TEKT1: variants seen among roughly 807,000 people sequenced by gnomAD.
TEKT1 encodes the protein tektin 1.
TEKT1 carries 32 observed loss-of-function variants against 34.8 expected under a neutral mutation model. The ratio of observed to expected loss-of-function variants is 0.92; its 90% CI spans 0.69 to 1.23. The LOEUF (loss-of-function observed/expected upper bound fraction) is 1.23, where lower values mean the gene tolerates loss of function less well. TEKT1 is among the 50% of genes most tolerant of loss of function. The pLI is 0.00. For missense variants in TEKT1, 492 were observed against 518.5 expected (o/e 0.95, Z 0.50); for synonymous variants, 207 against 199.8 (o/e 1.04, Z -0.30).
In TEKT1 at chr17:6,819,364, G is replaced by A. The variant is rs1567680620; in HGVS notation, c.191-6C>T. On this transcript the variant is annotated splice_region_variant and splice_polypyrimidine_tract_variant and intron_variant, in intron 2 of 7. Transcript: ENST00000338694. ...GACTTCCTCGAGTCTCTGTTCTGAA[G>A]CACACGGGGAAGTTACACCAGGGCT... 1 of 1,610,354 alleles carries A rather than the reference G, an allele frequency of 6.2e-7. No individual in the cohort carries two copies. Among genetic ancestry groups the A allele is most frequent in the African/African-American group, 1.3e-5 (1 of 74,920 alleles).
At chr17:6,826,956 A>C (rs1950532188) in intron 2 of TEKT1, among the ~76,000 whole-genome samples, 1 of 152,124 alleles carries the variant, frequency 6.6e-6, no homozygotes, top group African/African-American at 2.4e-5. Flanking sequence ...TGGCCTCCCA[A>C]AGTGCTGTGA....
At chr17:6,807,741 C>G (rs1976865624) in intron 6 of TEKT1, among the ~76,000 whole-genome samples, 3 of 152,130 alleles carry the variant, frequency 2.0e-5, no homozygotes, top group South Asian at 2.1e-4. Context: ...CACTCCAAAC[C>G]CTGTTTGCCT....
rs1393813816 is a variant in TEKT1 at position 6,811,587 on chromosome 17, C to T, written c.852+1244G>A. Among the ~76,000 whole-genome samples, 1 of 152,082 alleles carries T rather than the reference C, an allele frequency of 6.6e-6. No individual in the cohort carries two copies. The highest frequency in any genetic ancestry group is 1.5e-5 in the Non-Finnish European group (1 of 68,026). On this transcript the variant is annotated intron_variant, in intron 6 of 7. Coordinates refer to ENST00000338694, the MANE Select transcript of TEKT1 (RefSeq NM_053285.2). This position sits in a 1 kb window ranked among gnomAD's most constrained non-coding sequence, Gnocchi z 4.4. ...GTTTGCTGAATATTGCAGTTTCACC[C>T]TCGATGATACTCTGGTTTCTCCAGC... is the stretch of plus-strand genomic sequence containing the variant.
In TEKT1 at chr17:6,813,813, C is replaced by G. The variant is rs1266889023; in HGVS notation, c.630-760G>C. Among the ~76,000 whole-genome samples, 6 of 152,238 alleles carry G rather than the reference C, an allele frequency of 3.9e-5. No homozygotes were observed. The South Asian group carries it at 1.0e-3, about 26-fold the overall frequency. On this transcript the variant is annotated intron_variant, in intron 5 of 7. Transcript: ENST00000338694. ...CTGAGATGGCACTTAGTGATCCCCC[C>G]TCCTGGTATTCATGCCTTTGTGTAA...
Position 6,813,060 on chromosome 17 carries a change from C to T in TEKT1, c.630-7G>A. On this transcript the variant is annotated splice_polypyrimidine_tract_variant and splice_region_variant and intron_variant, in intron 5 of 7. Transcript: ENST00000338694. ...GTCTTCCAGACTCACGGAGCTGAAACAGACCTCACGCTTTCATTCACAGCA... is the reference window on the plus strand; with the variant it reads ...GTCTTCCAGACTCACGGAGCTGAAATAGACCTCACGCTTTCATTCACAGCA... The T allele has an allele frequency of 6.2e-7, 1 of 1,611,622 alleles. No homozygotes were observed. Among genetic ancestry groups the T allele is most frequent in the Non-Finnish European group, 8.5e-7 (1 of 1,178,608 alleles).
intron 2 of TEKT1, among the ~76,000 whole-genome samples, chr17:6,826,793 T>C (rs1904416526): frequency 6.6e-6 from 1 of 151,818 alleles, no homozygotes; most frequent in Non-Finnish European, 1.5e-5. Context: ...CCTCCTGAGT[T>C]CACGCCATTC....
intron 2 of TEKT1, among the ~76,000 whole-genome samples, chr17:6,823,500 A>C (rs1904319850): frequency 6.6e-6 from 1 of 152,254 alleles, no homozygotes; most frequent in Admixed American, 6.5e-5. Context: ...CTTGGGGCAT[A>C]GCTTTATTAT....
Position 6,819,320 on chromosome 17 carries a change from A to T in TEKT1, c.229T>A (p.Leu77Ile), listed in dbSNP as rs769134836. 6.2e-7 allele frequency: 1 copy of T among 1,613,490 alleles called. No individual in the cohort carries two copies. Among genetic ancestry groups the T allele is most frequent in the Non-Finnish European group, 8.5e-7 (1 of 1,179,800 alleles). Residue 77 changes from leucine to isoleucine, a missense_variant, in exon 3 of 8, where the codon TTA becomes ATA. Transcript: ENST00000338694. ...ACAAGCTGCTCAAGTTTGTCATCTA[A>T]CTCCTTCTTCCAGAACTGGACTTCC... Reference protein sequence around the residue: ...LEEVQFWKKELDDKLEQLVNV... With the variant: ...LEEVQFWKKEIDDKLEQLVNV...
At chr17:6,828,739 T>C (rs915105832) in intron 2 of TEKT1, among the ~76,000 whole-genome samples, 1 of 152,226 alleles carries the variant, frequency 6.6e-6, no homozygotes, top group African/African-American at 2.4e-5. Context: ...TTTTGGCATT[T>C]AGCCGACGTT....
chr17:6,813,366 T>C lies in TEKT1; in HGVS notation c.630-313A>G, dbSNP rs529775358. On this transcript the variant is annotated intron_variant, in intron 5 of 7. Transcript: ENST00000338694. Reference sequence around the variant, plus strand: ...GAAAAATGAAGTAACTTGGGTGAGATTGCTCAGCTAGAGATAATTTGAGCA... The same window carrying C: ...GAAAAATGAAGTAACTTGGGTGAGACTGCTCAGCTAGAGATAATTTGAGCA... 5.5e-4 allele frequency among the ~76,000 whole-genome samples: 84 copies of C among 152,288 alleles called. 1 individual carries two copies. Among genetic ancestry groups the C allele is most frequent in the Middle Eastern group, 3.4e-3 (1 of 294 alleles).
At chr17:6,830,531 C>T (rs1318460090) in intron 1 of TEKT1, 138 bp from the exon 2 acceptor site, 8 of 642,908 alleles carry the variant, frequency 1.2e-5, no homozygotes, top group African/African-American at 1.9e-5. Flanking sequence ...TCTGTGTAGC[C>T]GGCACCCAAA....
At chr17:6,803,403 G>A (rs1310240791) in intron 6 of TEKT1, among the ~76,000 whole-genome samples, 1 of 152,154 alleles carries the variant, frequency 6.6e-6, no homozygotes, top group African/African-American at 2.4e-5. Flanking sequence ...CTTCCATTCT[G>A]CAGGTTGCCT....
intron 2 of TEKT1, among the ~76,000 whole-genome samples, chr17:6,819,852 TA>T (rs1977061660): frequency 6.6e-6 from 1 of 152,136 alleles, no homozygotes; most frequent in Non-Finnish European, 1.5e-5. Context: ...CACACCCGGC[TA>T]ATTTTTTGTA....
At position 6,815,778 on chromosome 17, in the gene TEKT1, C is replaced by G. The variant is rs1976996777; in HGVS notation, c.485+56G>C. 4 of 1,606,428 alleles carry G rather than the reference C, an allele frequency of 2.5e-6. No homozygotes were observed. In the South Asian group the frequency reaches 4.4e-5, roughly 18 times the overall value. ...CCATGGAGCCCAGCTTTTGTGGACA[C>G]TGCCTTTTCTCAAAATTCCCAGTGG... On this transcript the variant is annotated intron_variant, in intron 4 of 7. Coordinates refer to ENST00000338694, the MANE Select transcript of TEKT1 (RefSeq NM_053285.2).
chr17:6,812,693 A>G (rs1430553690), intron 6 of TEKT1, 138 bp downstream of exon 6: 3 of 794,452 alleles, frequency 3.8e-6, no homozygotes, highest in Non-Finnish European at 5.9e-6. Flanking sequence ...CTTGAGAGAT[A>G]TGAATGACCC....
chr17:6,818,600 CT>C, intron 3 of TEKT1, among the ~76,000 whole-genome samples: 1 of 152,286 alleles, frequency 6.6e-6, no homozygotes, highest in South Asian at 2.1e-4. Context: ...GGCTGAGCAC[CT>C]GGCTGCCCAA....
rs893330319 is a variant in TEKT1, at chr17:6,813,171, T to C, written c.630-118A>G. ...ACCACCTAGAATGTTACCCTATCTC[T>C]AGGCAGAGCAAATAGTGGTCTGTCA... On this transcript the variant is annotated intron_variant, in intron 5 of 7. Transcript: ENST00000338694. 4 of 820,848 alleles carry C rather than the reference T, an allele frequency of 4.9e-6. No homozygotes were observed. In the African/African-American group the frequency reaches 6.8e-5, roughly 14 times the overall value. The allele number at this position is 820,848 out of a possible 1,614,324, so 50.8% of individuals were successfully genotyped here.
Position 6,812,942 on chromosome 17 carries a change from G to A in TEKT1, c.741C>T (p.Ser247=), listed in dbSNP as rs1976948698. The change falls in exon 6 of 8, where the codon TCC becomes TCT. Residue 247 remains serine, a synonymous_variant. Coordinates refer to ENST00000338694, the MANE Select transcript of TEKT1 (RefSeq NM_053285.2). ...MLKALVDRIL[S]QTANDLRKQC... is the part of the protein sequence containing the mutation. ...GCTTGCGCAGATCATTGGCTGTCTG[G>A]GACAGGATTCGATCCACCAGGGCTT... 1 of 1,614,052 alleles carries A rather than the reference G, an allele frequency of 6.2e-7. No individual in the cohort carries two copies. Among genetic ancestry groups the A allele is most frequent in the Non-Finnish European group, 8.5e-7 (1 of 1,180,034 alleles).
In TEKT1 at chr17:6,814,795, G is replaced by A. The variant is rs182410369; in HGVS notation, c.629+368C>T. On this transcript the variant is annotated intron_variant, in intron 5 of 7. Transcript: ENST00000338694. ...GGAGCTTGCAGTGAGGTGAGATCGC[G>A]CCACTGCACTCCAGCCTAAGTGACA... 55 of 166,452 alleles carry A rather than the reference G, an allele frequency of 3.3e-4. No homozygotes were observed. In the East Asian group the frequency reaches 8.8e-3, roughly 27 times the overall value. 10.3% of individuals were successfully genotyped at this position (166,452 alleles called of 1,614,324 possible). A position where few individuals can be genotyped will look rare whatever the true frequency, so the allele number is the denominator to read the frequency against.
Sources: allele counts gnomAD v4.1 joint callset (sites outside exome capture counted in the v4.1 genomes callset), GRCh38; gene constraint gnomAD v4.1.1; non-coding constraint Gnocchi (gnomAD v3.1); transcripts MANE v1.5; gene names NCBI Gene and HGNC (gene_info 2026-07-23, HGNC 2026-07-21).